The following TRHDE variants were observed in gnomAD, a reference collection of about 807,000 sequenced individuals.
The protein encoded by TRHDE is thyrotropin releasing hormone degrading enzyme, also known as thyrotropin-releasing hormone-degrading ectoenzyme.
In TRHDE, 72 loss-of-function variants were observed where a neutral mutation model predicts 125.7. That is an observed-to-expected ratio of 0.57 (90% CI 0.47 to 0.70). TRHDE has a LOEUF of 0.70. Among genes scored for constraint, TRHDE ranks in the 30% least tolerant of loss-of-function variants. The pLI is 0.00. For synonymous variants in TRHDE, 509 were observed against 509.1 expected, an observed-to-expected ratio of 1.00 and a Z score of 0.00; for missense variants, 1,110 against 1,327.1, an observed-to-expected ratio of 0.84 and a Z score of 2.54.
intron 2 of TRHDE, among the ~76,000 whole-genome samples, chr12:72,216,829 ATAATT>A (rs1283602907): frequency 1.3e-5 from 2 of 152,176 alleles, no homozygotes; most frequent in Non-Finnish European, 2.9e-5. Flanking sequence ...CCTATTATGA[ATAATT>A]TAATGGAAAA....
At chr12:72,112,816 C>T (rs1875351517) in intron 2 of TRHDE, among the ~76,000 whole-genome samples, 1 of 152,120 alleles carries the variant, frequency 6.6e-6, no homozygotes, top group African/African-American at 2.4e-5. Flanking sequence ...GACTTAGAGG[C>T]TTTGTCTCCT....
chr12:72,651,051 T>C (rs754635591), intron 15 of TRHDE, among the ~76,000 whole-genome samples: 5 of 152,154 alleles, frequency 3.3e-5, no homozygotes, highest in Non-Finnish European at 7.4e-5. Context: ...TAATGGTTTA[T>C]TCTATGTCTG....
chr12:72,552,175 G>A (rs1191293809), intron 7 of TRHDE, among the ~76,000 whole-genome samples: 3 of 152,118 alleles, frequency 2.0e-5, no homozygotes, highest in Non-Finnish European at 1.5e-5. Flanking sequence ...ATACAGAACA[G>A]TTCTCTGGCT....
intron 2 of TRHDE, among the ~76,000 whole-genome samples, chr12:72,201,544 C>G (rs1418272442): frequency 6.6e-6 from 1 of 152,114 alleles, no homozygotes; most frequent in Non-Finnish European, 1.5e-5. Context: ...ACAGGGATCA[C>G]CTCAAATACT....
intron 2 of TRHDE, among the ~76,000 whole-genome samples, chr12:72,332,485 A>T (rs1204865626): frequency 1.3e-5 from 2 of 151,954 alleles, no homozygotes; most frequent in African/African-American, 4.8e-5. Context: ...CCCACTTATC[A>T]CCCAGGGGAT....
intron 2 of TRHDE, among the ~76,000 whole-genome samples, chr12:72,300,109 A>G (rs1297246893): frequency 1.3e-5 from 2 of 152,138 alleles, no homozygotes; most frequent in Non-Finnish European, 2.9e-5. Context: ...GAATATTTTT[A>G]TAACAAGGAA....
chr12:72,235,341 T>C (rs1878320499), intron 2 of TRHDE, among the ~76,000 whole-genome samples: 2 of 152,282 alleles, frequency 1.3e-5, no homozygotes, highest in South Asian at 4.1e-4. Flanking sequence ...ACATAGATAT[T>C]ATCATCATCC....
intron 3 of TRHDE, among the ~76,000 whole-genome samples, chr12:72,468,155 C>A (rs1187682887): frequency 6.6e-6 from 1 of 152,172 alleles, no homozygotes; most frequent in Non-Finnish European, 1.5e-5. Context: ...CTTGCCATTA[C>A]TGTCTCTATG....
At chr12:72,448,956 A>G (rs1875437440) in intron 3 of TRHDE, among the ~76,000 whole-genome samples, 1 of 151,902 alleles carries the variant, frequency 6.6e-6, no homozygotes, top group African/African-American at 2.4e-5. Flanking sequence ...CCACTTTACC[A>G]CCTGCTGTTA....
chr12:72,512,653 T>C (rs1240967562), intron 6 of TRHDE, among the ~76,000 whole-genome samples: 1 of 143,834 alleles, frequency 7.0e-6, no homozygotes, highest in Non-Finnish European at 1.5e-5. Context: ...TAATCATATA[T>C]AATATATAAT....
chr12:72,419,769 T>C (rs187618247), intron 3 of TRHDE, among the ~76,000 whole-genome samples: 1 of 152,118 alleles, frequency 6.6e-6, no homozygotes, highest in Admixed American at 6.5e-5. Flanking sequence ...ATTAGCAGAT[T>C]AAGGGAGATA....
At chr12:72,599,371 C>T (rs540706292) in intron 12 of TRHDE, among the ~76,000 whole-genome samples, 35 of 152,192 alleles carry the variant, frequency 2.3e-4, no homozygotes, top group Admixed American at 1.8e-3. Flanking sequence ...TTCTCCACAG[C>T]TTCATGAGCA....
chr12:72,643,828 C>A (rs527433069), intron 15 of TRHDE, among the ~76,000 whole-genome samples: 8 of 152,206 alleles, frequency 5.3e-5, no homozygotes, highest in Middle Eastern at 3.4e-3. Context: ...TTTCCAACAT[C>A]AAACATTTAT....
chr12:72,130,603 C>A (rs370777272), intron 2 of TRHDE, among the ~76,000 whole-genome samples: 14 of 152,104 alleles, frequency 9.2e-5, no homozygotes, highest in African/African-American at 3.1e-4. Context: ...GCACTAGGGG[C>A]AACATTAATG....
intron 2 of TRHDE, among the ~76,000 whole-genome samples, chr12:72,136,426 G>A (rs1875987426): frequency 6.6e-6 from 1 of 152,220 alleles, no homozygotes; most frequent in African/African-American, 2.4e-5. Flanking sequence ...GCAGAGGCAT[G>A]CATATCCAAA....
chr12:72,378,065 G>T lies in TRHDE; in HGVS notation c.1259G>T (p.Arg420Ile). The T allele has an allele frequency of 6.2e-7, 1 of 1,606,694 alleles. No individual in the cohort carries two copies. Among genetic ancestry groups the T allele is most frequent in the African/African-American group, 1.3e-5 (1 of 74,728 alleles). The stretch of plus-strand genomic sequence containing the variant: ...GACTATGCTCTCCATATAACAAAGA[G>T]ATTAATAGAATTTTATGAAGACTAC... ...SGDYALHITK[R>I]LIEFYEDYFK... The change falls in exon 3 of 19, where the codon AGA (arginine) becomes ATA (isoleucine). Residue 420 changes from arginine (R) to isoleucine (I), a missense_variant. Physicochemically the swap from Arg to Ile is moderately conservative, Grantham distance 97. This residue lies in a region of TRHDE where 252 missense variants were observed against 274.8 expected (regional missense o/e 0.92). Transcript: ENST00000261180.
chr12:72,116,254 C>CTA (rs1305154552), intron 2 of TRHDE, among the ~76,000 whole-genome samples: 2 of 152,128 alleles, frequency 1.3e-5, no homozygotes, highest in African/African-American at 4.8e-5. Context: ...TTTATCAAGT[C>CTA]TATCATTGAT....
intron 2 of TRHDE, among the ~76,000 whole-genome samples, chr12:72,106,408 T>G (rs1875189616): frequency 6.6e-6 from 1 of 151,550 alleles, no homozygotes; most frequent in Admixed American, 6.6e-5. Flanking sequence ...GGAAAAGGGG[T>G]GAGTTAAAAG....
At chr12:72,321,758 G>A (rs1869106369) in intron 2 of TRHDE, among the ~76,000 whole-genome samples, 1 of 152,076 alleles carries the variant, frequency 6.6e-6, no homozygotes, top group Non-Finnish European at 1.5e-5. Flanking sequence ...TAGTTGTAAA[G>A]TACAAAAGTA....
Sources: allele counts gnomAD v4.1 joint callset (sites outside exome capture counted in the v4.1 genomes callset), GRCh38; gene constraint gnomAD v4.1.1; regional missense constraint gnomAD v4.1.1; transcripts MANE v1.5; gene names NCBI Gene and HGNC (gene_info 2026-07-23, HGNC 2026-07-21).